CLASP2: variants seen among roughly 807,000 people sequenced by gnomAD.
CLASP2 encodes the protein CLIP-associating protein 2.
In CLASP2, 47 loss-of-function variants were observed where a neutral mutation model predicts 194.4. The observed-to-expected ratio is 0.24, with a 90% confidence interval of 0.19 to 0.31. The LOEUF (loss-of-function observed/expected upper bound fraction) is 0.31. CLASP2 is among the 10% of genes least tolerant of loss of function. The pLI is 1.00. For missense variants in CLASP2, 1,445 were observed against 1,823.6 expected (o/e 0.79, Z 3.78); for synonymous variants, 619 against 633.5 (o/e 0.98, Z 0.34).
At chr3:33,529,098 T>C (rs551068001) in intron 34 of CLASP2, among the ~76,000 whole-genome samples, 1 of 152,084 alleles carries the variant, frequency 6.6e-6, no homozygotes, top group Non-Finnish European at 1.5e-5. Flanking sequence ...ATAAAATACC[T>C]AGGAATATAG....
Position 33,611,675 on chromosome 3 carries a change from T to C in CLASP2, c.1388+326A>G, listed in dbSNP as rs143899333. Among the ~76,000 whole-genome samples, 460 of 152,266 alleles carry C rather than the reference T, an allele frequency of 3.0e-3. 2 individuals are homozygous for C. The highest frequency in any genetic ancestry group is 5.9e-3 in the Non-Finnish European group (404 of 67,998). On this transcript the variant is annotated intron_variant, in intron 13 of 38. Coordinates refer to ENST00000682230, the MANE Select transcript of CLASP2 (RefSeq NM_001365631.1). The stretch of plus-strand genomic sequence containing the variant: ...ACTAAGGTTCAGAGCAGTTAAATAA[T>C]TGCCTAAGGTAGAACAGTCAATGGC...
chr3:33,689,143 A>G (rs1199218554), intron 3 of CLASP2, among the ~76,000 whole-genome samples: 3 of 151,434 alleles, frequency 2.0e-5, no homozygotes, highest in Middle Eastern at 3.4e-3. Context: ...CTCTCTCCCT[A>G]CCAAACTTTC....
chr3:33,559,870 G>A (rs990552710), intron 28 of CLASP2, among the ~76,000 whole-genome samples: 1 of 151,986 alleles, frequency 6.6e-6, no homozygotes, highest in Non-Finnish European at 1.5e-5. Context: ...CTCCAGCATG[G>A]GCAACAAGAG....
chr3:33,657,265 AC>A (rs2154328683), intron 7 of CLASP2, among the ~76,000 whole-genome samples: 1 of 152,252 alleles, frequency 6.6e-6, no homozygotes, highest in East Asian at 1.9e-4. Flanking sequence ...TATATATCAA[AC>A]TGTTAAGAAC....
intron 29 of CLASP2, among the ~76,000 whole-genome samples, chr3:33,557,466 G>C (rs2061163696): frequency 6.6e-6 from 1 of 151,966 alleles, no homozygotes; most frequent in African/African-American, 2.4e-5. Context: ...CCTCACTCCT[G>C]GGTTCATGCG....
At chr3:33,526,011 G>T (rs67727262) in intron 34 of CLASP2, among the ~76,000 whole-genome samples, 2 of 152,062 alleles carry the variant, frequency 1.3e-5, no homozygotes, top group Admixed American at 6.5e-5. Context: ...ATCTGACCAG[G>T]GGGCGGAAGG....
intron 12 of CLASP2, among the ~76,000 whole-genome samples, chr3:33,616,412 T>G (rs1278175828): frequency 1.3e-5 from 2 of 152,176 alleles, no homozygotes; most frequent in Non-Finnish European, 2.9e-5. Context: ...TTTAAATGAA[T>G]GCCAAAATCT....
intron 8 of CLASP2, among the ~76,000 whole-genome samples, chr3:33,642,466 A>C (rs942170999): frequency 6.6e-6 from 1 of 151,978 alleles, no homozygotes. Context: ...AAGTAACTGG[A>C]AGAAAACAAA....
chr3:33,616,118 A>G (rs1215456945), intron 12 of CLASP2, among the ~76,000 whole-genome samples: 2 of 152,178 alleles, frequency 1.3e-5, no homozygotes, highest in East Asian at 1.9e-4. Flanking sequence ...TGAATTATAA[A>G]GAACCCAAAA....
chr3:33,521,980 T>G (rs1235034869), intron 34 of CLASP2, among the ~76,000 whole-genome samples: 1 of 150,958 alleles, frequency 6.6e-6, no homozygotes, highest in Non-Finnish European at 1.5e-5. Flanking sequence ...AAAAAGAACC[T>G]TATCCTGCGG....
chr3:33,514,610 GAAAT>G, intron 36 of CLASP2: 1 of 248,230 alleles, frequency 4.0e-6, no homozygotes, highest in South Asian at 4.5e-5. Flanking sequence ...CTTTCTCTTA[GAAAT>G]ACAGTCCTTA....
At position 33,644,766 on chromosome 3, in the gene CLASP2, T is replaced by A; in HGVS notation, c.853A>T (p.Lys285Ter). ...AATGGATTTACATTACCTCCAACCT[T>A]AGGGCCACCTGCTGAACCAGGCTTC... Reference protein sequence around the residue: ...ARKPGSAGGPKVGGASKEGGA... With the variant: ...ARKPGSAGGP Residue 285 changes from lysine (K) to a stop codon, truncating the protein, a stop_gained, in exon 8 of 39, where the codon AAG becomes TAG. Coordinates refer to ENST00000682230, the MANE Select transcript of CLASP2 (RefSeq NM_001365631.1). LOFTEE classifies it high-confidence loss of function. The A allele has an allele frequency of 6.2e-7, 1 of 1,613,212 alleles. No homozygotes were observed. Among genetic ancestry groups the A allele is most frequent in the Non-Finnish European group, 8.5e-7 (1 of 1,179,602 alleles).
chr3:33,661,656 G>A (rs897746154), intron 7 of CLASP2, among the ~76,000 whole-genome samples: 4 of 152,176 alleles, frequency 2.6e-5, no homozygotes, highest in African/African-American at 9.7e-5. Context: ...GACATAGGAA[G>A]CTTGAAATGC....
At chr3:33,602,345 A>G in intron 18 of CLASP2, 2 of 555,476 alleles carry the variant, frequency 3.6e-6, no homozygotes, top group East Asian at 5.8e-5. Flanking sequence ...AGATTTTTAG[A>G]TTAGGTATGC....
At chr3:33,535,910 C>A (rs1387533673) in intron 33 of CLASP2, among the ~76,000 whole-genome samples, 2 of 146,378 alleles carry the variant, frequency 1.4e-5, no homozygotes, top group African/African-American at 2.5e-5. Context: ...TTTAAAAAGG[C>A]TTGCTTTAAG....
At chr3:33,559,640 T>C (rs889379785) in intron 28 of CLASP2, among the ~76,000 whole-genome samples, 3 of 152,140 alleles carry the variant, frequency 2.0e-5, no homozygotes, top group African/African-American at 7.2e-5. Context: ...CACGCTTGTA[T>C]TCCCAGTACT....
At chr3:33,539,893 T>G (rs1275616056) in intron 32 of CLASP2, among the ~76,000 whole-genome samples, 1 of 149,696 alleles carries the variant, frequency 6.7e-6, no homozygotes, top group African/African-American at 2.5e-5. Flanking sequence ...TGTAAGAAGA[T>G]AGAGGATTTT....
intron 37 of CLASP2, among the ~76,000 whole-genome samples, chr3:33,506,810 T>C (rs745844644): frequency 6.6e-6 from 1 of 152,238 alleles, no homozygotes; most frequent in Non-Finnish European, 1.5e-5. Flanking sequence ...TTTTGGATTC[T>C]ATTTCATTGA....
intron 29 of CLASP2, among the ~76,000 whole-genome samples, chr3:33,555,617 C>A (rs1186598436): frequency 6.6e-6 from 1 of 152,152 alleles, no homozygotes; most frequent in Non-Finnish European, 1.5e-5. Context: ...ATCTGCCCAC[C>A]TTGGTCTCCC....
Sources: allele counts gnomAD v4.1 joint callset (sites outside exome capture counted in the v4.1 genomes callset), GRCh38; gene constraint gnomAD v4.1.1; transcripts MANE v1.5; gene names NCBI Gene and HGNC (gene_info 2026-07-23, HGNC 2026-07-21).